RANBP2: variants seen among roughly 807,000 people sequenced by gnomAD.
The protein encoded by RANBP2 is E3 SUMO-protein ligase RanBP2.
Under a neutral mutation model 303.6 loss-of-function variants are expected in RANBP2, and 57 were observed. That is an observed-to-expected ratio of 0.19 (90% confidence interval 0.15 to 0.23). RANBP2 has a LOEUF of 0.23. RANBP2 is among the 10% of genes least tolerant of loss of function. The pLI is 1.00. For missense variants in RANBP2, 3,138 were observed against 3,780.8 expected (o/e 0.83, Z 4.46); for synonymous variants, 1,167 against 1,301.5 (o/e 0.90, Z 2.23).
the RANBP2 span, among the ~76,000 whole-genome samples, chr2:109,710,134 C>T: frequency 6.6e-6 from 1 of 151,162 alleles, no homozygotes; most frequent in African/African-American, 2.4e-5. Flanking sequence ...GTAATCCCAG[C>T]ACTTTGGGAG....
At chr2:108,957,118 T>G in the RANBP2 span, among the ~76,000 whole-genome samples, 1 of 152,194 alleles carries the variant, frequency 6.6e-6, no homozygotes, top group African/African-American at 2.4e-5. Context: ...CTGTGGGACT[T>G]GCAGTTCTAC....
At chr2:108,776,371 A>G (rs1558937158) in intron 24 of RANBP2, among the ~76,000 whole-genome samples, 1 of 152,194 alleles carries the variant, frequency 6.6e-6, no homozygotes, top group African/African-American at 2.4e-5. Context: ...TATTTTCTCT[A>G]ATACTTTTAA....
At chr2:108,854,712 G>C in the RANBP2 span, among the ~76,000 whole-genome samples, 5 of 152,092 alleles carry the variant, frequency 3.3e-5, no homozygotes, top group Admixed American at 6.6e-5. Context: ...GGCTCGGCTG[G>C]GCTTGGTTCT....
intron 1 of RANBP2, among the ~76,000 whole-genome samples, chr2:108,726,014 C>T (rs953928109): frequency 7.2e-5 from 11 of 151,986 alleles, no homozygotes; most frequent in Admixed American, 1.3e-4. Flanking sequence ...TCTGATTGTT[C>T]GTTGCTGGTA....
the RANBP2 span, among the ~76,000 whole-genome samples, chr2:109,196,625 C>A: frequency 3.3e-5 from 5 of 152,168 alleles, no homozygotes; most frequent in African/African-American, 1.2e-4. Flanking sequence ...AGTGCTGCTG[C>A]GCTGTGGTTG....
the RANBP2 span, chr2:108,894,498 A>AAAAT: frequency 6.6e-6 from 1 of 152,602 alleles, no homozygotes; most frequent in East Asian, 1.9e-4. Flanking sequence ...TTGAGATTAT[A>AAAAT]AAATATAATA....
the RANBP2 span, among the ~76,000 whole-genome samples, chr2:108,984,352 G>A: frequency 0.054 from 8,198 of 152,246 alleles, 382 homozygotes; most frequent in African/African-American, 0.12. Flanking sequence ...AACACAGGGC[G>A]TGAGCCACCA....
the RANBP2 span, among the ~76,000 whole-genome samples, chr2:109,238,177 G>A: frequency 6.6e-6 from 1 of 152,088 alleles, no homozygotes; most frequent in African/African-American, 2.4e-5. Context: ...TCTAGCTTGG[G>A]TGACAGAGTG....
At chr2:109,300,025 A>G in the RANBP2 span, among the ~76,000 whole-genome samples, 4 of 152,202 alleles carry the variant, frequency 2.6e-5, no homozygotes, top group African/African-American at 7.2e-5. Flanking sequence ...AAGGCACTGC[A>G]CAGTGCCCAG....
chr2:108,878,672 A>G, the RANBP2 span, among the ~76,000 whole-genome samples: 1 of 152,206 alleles, frequency 6.6e-6, no homozygotes, highest in African/African-American at 2.4e-5. Flanking sequence ...ATTGTTTTTA[A>G]ATAATGGGAA....
At chr2:109,273,673 G>A in the RANBP2 span, among the ~76,000 whole-genome samples, 1 of 152,194 alleles carries the variant, frequency 6.6e-6, no homozygotes. Context: ...CGCAACTGCT[G>A]ATGGGGACAC....
At chr2:108,969,024 G>A in the RANBP2 span, among the ~76,000 whole-genome samples, 1 of 152,190 alleles carries the variant, frequency 6.6e-6, no homozygotes, top group African/African-American at 2.4e-5. Context: ...GAATCAGCAA[G>A]GCCACCTCAA....
Position 108,735,574 on chromosome 2 carries a change from CTT to C in RANBP2, c.452_453del (p.Phe151Ter), listed in dbSNP as rs1473409762. ...TGAAGGTGAAGATGGATGGAATAAA[CTT>C]TTTGACTTGATTCAGTCAGAACTTT... Reference protein sequence around the residue: ...DCEGEDGWNKLFDLIQSELYV... With the variant: ...DCEGEDGWNKXFDLIQSELYV... On this transcript the variant is annotated frameshift_variant, in exon 5 of 29. Transcript: ENST00000283195. LOFTEE classifies it high-confidence loss of function. 1 of 1,597,536 alleles carries C rather than the reference CTT, an allele frequency of 6.3e-7. No homozygotes were observed. The highest frequency in any genetic ancestry group is 8.5e-7 in the Non-Finnish European group (1 of 1,179,776).
At chr2:109,657,896 T>G in the RANBP2 span, among the ~76,000 whole-genome samples, 2 of 151,740 alleles carry the variant, frequency 1.3e-5, no homozygotes, top group African/African-American at 4.8e-5. Context: ...ATTTTTGTAT[T>G]TTTAGTGGAG....
At chr2:109,214,458 GAGTCATAGAAAAGAGAAAAAAAAAAAA>G in the RANBP2 span, among the ~76,000 whole-genome samples, 1 of 146,650 alleles carries the variant, frequency 6.8e-6, no homozygotes, top group Admixed American at 6.8e-5. Flanking sequence ...TAAAAAAAAA[GAGTCATAGAAAAGAGAAAAAAAAAAAA>G]AGGAGTGGAG....
the RANBP2 span, chr2:109,617,864 C>CA: frequency 6.3e-6 from 1 of 158,882 alleles, no homozygotes; most frequent in Admixed American, 6.6e-5. Flanking sequence ...ACTAAAAATA[C>CA]AAAAATTAGC....
the RANBP2 span, among the ~76,000 whole-genome samples, chr2:108,793,213 A>G: frequency 6.6e-6 from 1 of 151,298 alleles, no homozygotes; most frequent in Non-Finnish European, 1.5e-5. Flanking sequence ...AATAACAAAA[A>G]AATTAGCCGG....
chr2:108,845,915 A>G, the RANBP2 span, among the ~76,000 whole-genome samples: 1 of 152,150 alleles, frequency 6.6e-6, no homozygotes, highest in African/African-American at 2.4e-5. Context: ...TAGATCATAT[A>G]TTATTTTAGA....
chr2:108,849,548 C>G, the RANBP2 span, among the ~76,000 whole-genome samples: 9 of 152,158 alleles, frequency 5.9e-5, no homozygotes, highest in South Asian at 2.1e-4. Flanking sequence ...TGACACGTCT[C>G]CCTGCCTTCA....
Sources: gnomAD v4.1 joint callset for allele counts (sites outside exome capture counted in the v4.1 genomes callset) on GRCh38, gnomAD v4.1.1 for gene constraint, MANE v1.5 for transcripts, NCBI Gene and HGNC (gene_info 2026-07-23, HGNC 2026-07-21) for gene names.